Variants in PFDN1 observed in about 807,000 individuals in gnomAD.
The protein encoded by PFDN1 is prefoldin 1.
Under a neutral mutation model 17.3 loss-of-function variants are expected in PFDN1, and 6 were observed. The observed-to-expected ratio is 0.35, with a 90% CI of 0.19 to 0.69. The LOEUF (loss-of-function observed/expected upper bound fraction) is 0.69, where lower values mean the gene tolerates loss of function less well. Among genes scored for constraint, PFDN1 ranks in the 30% least tolerant of loss-of-function variants. The pLI is 0.65. For missense variants in PFDN1, 113 were observed against 146.2 expected, an observed-to-expected ratio of 0.77 and a Z score of 1.17; for synonymous variants, 58 against 50.1, an observed-to-expected ratio of 1.16 and a Z score of -0.67.
rs1193359236 is a variant in PFDN1, at chr5:140,246,036, G to A, written c.307C>T (p.Arg103Ter). 3 of 1,560,156 alleles carry A rather than the reference G, an allele frequency of 1.9e-6. No homozygotes were observed. The highest frequency in any genetic ancestry group is 1.2e-5 in the South Asian group (1 of 84,760). The change falls in exon 4 of 4, where the codon CGA becomes TGA. Residue 103 changes from arginine to a stop codon, truncating the protein, a stop_gained. Transcript: ENST00000261813. LOFTEE classifies it high-confidence loss of function. ...TTGTCCTCAGCTTCCTTAACGCTTC[G>A]CTCCAGGTAGGACTTTTTCTGCTGC... is the stretch of plus-strand genomic sequence containing the variant. Reference protein sequence around the residue: ...ELEQKKSYLERSVKEAEDNIR... With the variant: ...ELEQKKSYLE
chr5:140,278,656 A>G (rs2093145693), intron 3 of PFDN1, among the ~76,000 whole-genome samples: 1 of 151,924 alleles, frequency 6.6e-6, no homozygotes, highest in South Asian at 2.1e-4. Flanking sequence ...CCAACACTGT[A>G]TTCTCTAAAT....
intron 2 of PFDN1, among the ~76,000 whole-genome samples, chr5:140,298,199 G>C (rs1376646263): frequency 1.3e-5 from 2 of 151,992 alleles, no homozygotes; most frequent in African/African-American, 2.4e-5. Context: ...AAGCAAATCA[G>C]ATGAACAATT....
intron 3 of PFDN1, among the ~76,000 whole-genome samples, chr5:140,270,082 TC>T (rs2126685524): frequency 6.6e-6 from 1 of 152,314 alleles, no homozygotes; most frequent in African/African-American, 2.4e-5. Context: ...ATCTATTACC[TC>T]AGGTTGGAGG....
chr5:140,289,270 G>GAAAAAAA (rs546665837), intron 2 of PFDN1, among the ~76,000 whole-genome samples: 4 of 134,612 alleles, frequency 3.0e-5, no homozygotes, highest in African/African-American at 5.5e-5. Flanking sequence ...CTGGGAGAAG[G>GAAAAAAA]AAAAAAAAAA....
chr5:140,270,238 T>C (rs1188428194), intron 3 of PFDN1, among the ~76,000 whole-genome samples: 3 of 152,178 alleles, frequency 2.0e-5, no homozygotes, highest in Non-Finnish European at 4.4e-5. Flanking sequence ...GAAAATGATT[T>C]GAGGAATCCA....
intron 2 of PFDN1, among the ~76,000 whole-genome samples, chr5:140,284,227 T>C (rs797014869): frequency 1.4e-4 from 21 of 152,362 alleles, no homozygotes; most frequent in African/African-American, 3.6e-4. Context: ...CCACCGAAGC[T>C]GGCCAACTTA....
intron 3 of PFDN1, among the ~76,000 whole-genome samples, chr5:140,252,110 C>A (rs2126678570): frequency 6.6e-6 from 1 of 152,006 alleles, no homozygotes; most frequent in Non-Finnish European, 1.5e-5. Context: ...AATACCAGTG[C>A]ATCCCTCCAC....
intron 2 of PFDN1, among the ~76,000 whole-genome samples, chr5:140,299,674 T>G (rs898888185): frequency 1.3e-5 from 2 of 152,052 alleles, no homozygotes; most frequent in Non-Finnish European, 1.5e-5. Flanking sequence ...CTCCTCATTT[T>G]AAAAAAAGAA....
intron 2 of PFDN1, among the ~76,000 whole-genome samples, chr5:140,296,480 G>A (rs73791721): frequency 3.9e-5 from 6 of 152,092 alleles, no homozygotes; most frequent in Non-Finnish European, 5.9e-5. Flanking sequence ...CCCTACTATC[G>A]CCAAGGAAAG....
chr5:140,261,143 C>T (rs1455641472), intron 3 of PFDN1, among the ~76,000 whole-genome samples: 1 of 126,724 alleles, frequency 7.9e-6, no homozygotes, highest in Non-Finnish European at 1.6e-5. Flanking sequence ...GCCTGGATGA[C>T]ACAGTAAGAC....
intron 2 of PFDN1, among the ~76,000 whole-genome samples, chr5:140,296,393 A>C (rs1765653897): frequency 6.6e-6 from 1 of 152,198 alleles, no homozygotes; most frequent in Non-Finnish European, 1.5e-5. Flanking sequence ...CCCAGAGCTG[A>C]CAATCTGGCT....
Position 140,245,970 on chromosome 5 carries a change from C to T in PFDN1, c.*4G>A, listed in dbSNP as rs1168142122. The T allele has an allele frequency of 9.1e-6, 14 of 1,532,066 alleles. No individual in the cohort carries two copies. Among genetic ancestry groups the T allele is most frequent in the Non-Finnish European group, 1.2e-5 (13 of 1,127,598 alleles). The allele number at this position is 1,532,066 out of a possible 1,614,324, so 94.9% of individuals were successfully genotyped here. Reference sequence around the variant, plus strand: ...CAGGAGGAAGAGCTTCCCAGAGAGGCTCCCTACTGGGCCCTTCGTGCCATC... The same window carrying T: ...CAGGAGGAAGAGCTTCCCAGAGAGGTTCCCTACTGGGCCCTTCGTGCCATC... On this transcript the variant is annotated 3_prime_UTR_variant, in exon 4 of 4. Transcript: ENST00000261813.
At chr5:140,259,347 T>C (rs1457508897) in intron 3 of PFDN1, among the ~76,000 whole-genome samples, 1 of 152,168 alleles carries the variant, frequency 6.6e-6, no homozygotes. Context: ...CAATGAGACA[T>C]TGGGTTTTGT....
At chr5:140,298,357 T>C (rs1765683905) in intron 2 of PFDN1, among the ~76,000 whole-genome samples, 1 of 152,078 alleles carries the variant, frequency 6.6e-6, no homozygotes, top group Non-Finnish European at 1.5e-5. Context: ...ATCCCGAGAC[T>C]GAGGTCAAAT....
chr5:140,296,616 C>T (rs1476205629), intron 2 of PFDN1, among the ~76,000 whole-genome samples: 5 of 152,140 alleles, frequency 3.3e-5, no homozygotes, highest in Non-Finnish European at 7.3e-5. Flanking sequence ...CAATGTTATT[C>T]GCCAAAGACT....
intron 3 of PFDN1, 111 bp downstream of exon 3, chr5:140,281,336 TAA>T: frequency 1.6e-6 from 1 of 615,732 alleles, no homozygotes; most frequent in Non-Finnish European, 2.9e-6. Flanking sequence ...TTATAGAAAA[TAA>T]AAATAATATG....
At chr5:140,251,974 CCTT>C (rs1223819835) in intron 3 of PFDN1, among the ~76,000 whole-genome samples, 1 of 151,634 alleles carries the variant, frequency 6.6e-6, no homozygotes, top group Non-Finnish European at 1.5e-5. Flanking sequence ...CTCCAGCTCT[CCTT>C]CTCTAAATTA....
chr5:140,257,801 T>C (rs1391845971), intron 3 of PFDN1, among the ~76,000 whole-genome samples: 1 of 152,264 alleles, frequency 6.6e-6, no homozygotes, highest in South Asian at 2.1e-4. Flanking sequence ...TCCCTGGAGA[T>C]TATACTGTTG....
chr5:140,277,563 A>C (rs1765315001), intron 3 of PFDN1, among the ~76,000 whole-genome samples: 1 of 152,060 alleles, frequency 6.6e-6, no homozygotes, highest in Non-Finnish European at 1.5e-5. Flanking sequence ...AATTCTAACT[A>C]AGATAAAGAA....
Sources: allele counts gnomAD v4.1 joint callset (sites outside exome capture counted in the v4.1 genomes callset), GRCh38; gene constraint gnomAD v4.1.1; transcripts MANE v1.5; gene names NCBI Gene and HGNC (gene_info 2026-07-23, HGNC 2026-07-21).